ASTN2: variants seen among roughly 807,000 people sequenced by gnomAD.
ASTN2 encodes astrotactin-2.
ASTN2 carries 54 observed loss-of-function variants against 139.8 expected under a neutral mutation model. The ratio of observed to expected loss-of-function variants is 0.39; its 90% CI spans 0.31 to 0.48. ASTN2 has a LOEUF of 0.48. ASTN2 is among the 20% of genes least tolerant of loss of function. ASTN2 has a pLI of 0.95. For missense variants in ASTN2, 1,565 were observed against 1,725.1 expected (o/e 0.91, Z 1.64); for synonymous variants, 756 against 719.5 (o/e 1.05, Z -0.81).
intron 19 of ASTN2, among the ~76,000 whole-genome samples, chr9:116,550,221 C>T (rs779203073): frequency 6.6e-6 from 1 of 152,202 alleles, no homozygotes; most frequent in East Asian, 1.9e-4. Flanking sequence ...ATCCATATAA[C>T]GTCTCTGGGC....
chr9:116,817,395 G>A (rs1831362121), intron 12 of ASTN2, among the ~76,000 whole-genome samples: 2 of 152,184 alleles, frequency 1.3e-5, no homozygotes, highest in African/African-American at 4.8e-5. Flanking sequence ...GAGAAGGCTT[G>A]CTGAAAAAGT....
intron 18 of ASTN2, among the ~76,000 whole-genome samples, chr9:116,618,691 G>C (rs1047265641): frequency 2.6e-5 from 4 of 152,168 alleles, no homozygotes; most frequent in Non-Finnish European, 5.9e-5. Flanking sequence ...CACCTTTCAA[G>C]ATCAAAGTAG....
intron 4 of ASTN2, among the ~76,000 whole-genome samples, chr9:117,110,188 T>C (rs902065512): frequency 3.3e-5 from 5 of 152,202 alleles, no homozygotes; most frequent in African/African-American, 1.2e-4. Context: ...GAAATGATCA[T>C]TTTCCTAAAT....
At chr9:116,555,723 G>C (rs754850739) in intron 19 of ASTN2, among the ~76,000 whole-genome samples, 1 of 152,082 alleles carries the variant, frequency 6.6e-6, no homozygotes, top group Admixed American at 6.6e-5. Context: ...AATGGGGTCA[G>C]CTGAACTAAA....
At chr9:117,024,059 CCTTTTGCA>C (rs1298230279) in intron 6 of ASTN2, among the ~76,000 whole-genome samples, 4 of 152,100 alleles carry the variant, frequency 2.6e-5, no homozygotes, top group African/African-American at 9.7e-5. Flanking sequence ...AGGCCAATTT[CCTTTTGCA>C]CAAACCAGTC....
At chr9:116,494,126 G>A (rs1320266900) in intron 19 of ASTN2, among the ~76,000 whole-genome samples, 1 of 152,190 alleles carries the variant, frequency 6.6e-6, no homozygotes, top group East Asian at 1.9e-4. Flanking sequence ...GAAGCAGTGT[G>A]TAGAGATCCT....
intron 3 of ASTN2, among the ~76,000 whole-genome samples, chr9:117,211,196 G>GA (rs1832114217): frequency 6.6e-6 from 1 of 152,022 alleles, no homozygotes; most frequent in African/African-American, 2.4e-5. Context: ...GCAACAGAAA[G>GA]AAATGACAAA....
chr9:116,510,835 T>G (rs1250256004), intron 19 of ASTN2, among the ~76,000 whole-genome samples: 1 of 152,156 alleles, frequency 6.6e-6, no homozygotes, highest in Non-Finnish European at 1.5e-5. Flanking sequence ...ATGCTTGTGA[T>G]TTTTGCACAT....
intron 19 of ASTN2, among the ~76,000 whole-genome samples, chr9:116,580,676 A>G (rs938059337): frequency 6.6e-6 from 1 of 152,162 alleles, no homozygotes; most frequent in Non-Finnish European, 1.5e-5. Flanking sequence ...TGGGAGGTGC[A>G]CTTAATGGGT....
intron 1 of ASTN2, among the ~76,000 whole-genome samples, chr9:117,327,183 G>A (rs575702374): frequency 1.3e-5 from 2 of 152,264 alleles, no homozygotes; most frequent in South Asian, 2.1e-4. Flanking sequence ...AGCTCAGGTG[G>A]TAATTGCTCG....
intron 1 of ASTN2, among the ~76,000 whole-genome samples, chr9:117,342,857 G>A (rs191594200): frequency 1.2e-3 from 183 of 152,276 alleles, no homozygotes; most frequent in Non-Finnish European, 2.3e-3. Context: ...CTCTTCTGGG[G>A]AAGCCAAGGG....
rs1861090659 is a variant in ASTN2, at chr9:116,699,922, A to T, written c.2806+25849T>A. On this transcript the variant is annotated intron_variant, in intron 16 of 22. Coordinates refer to ENST00000313400, the MANE Select transcript of ASTN2 (RefSeq NM_001365068.1). This position sits in a 1 kb window ranked among gnomAD's most constrained non-coding sequence, Gnocchi z 4.2. ...AGAGCTTTAAAAGATGCACTGCCCA[A>T]ATAGGACACACGATGGTGTTAGCTG... 1 of 658,778 alleles carries T rather than the reference A, an allele frequency of 1.5e-6. No individual in the cohort carries two copies. The highest frequency in any genetic ancestry group is 1.8e-5 in the African/African-American group (1 of 54,720). 40.8% of individuals were successfully genotyped at this position (658,778 alleles called of 1,614,324 possible).
At chr9:117,173,639 C>A (rs779759017) in intron 3 of ASTN2, among the ~76,000 whole-genome samples, 1 of 151,590 alleles carries the variant, frequency 6.6e-6, no homozygotes, top group Non-Finnish European at 1.5e-5. Context: ...AAATAATAAA[C>A]AAAATAATAA....
At chr9:117,115,812 T>C (rs1232443605) in intron 4 of ASTN2, among the ~76,000 whole-genome samples, 1 of 151,944 alleles carries the variant, frequency 6.6e-6, no homozygotes, top group South Asian at 2.1e-4. Context: ...GATCACGAAG[T>C]CAGGAGATCG....
At chr9:116,948,783 G>GGGT (rs1835470053) in intron 10 of ASTN2, among the ~76,000 whole-genome samples, 6 of 49,392 alleles carry the variant, frequency 1.2e-4, no homozygotes, top group African/African-American at 3.4e-4. Flanking sequence ...AAATAATTTG[G>GGGT]TGTTTTTTTT....
At position 117,334,484 on chromosome 9, in the gene ASTN2, C is replaced by CTT. The variant is rs113282368; in HGVS notation, c.443-42973_443-42972dup. On this transcript the variant is annotated intron_variant, in intron 1 of 22. Coordinates refer to ENST00000313400, the MANE Select transcript of ASTN2 (RefSeq NM_001365068.1). Reference sequence around the variant, plus strand: ...TTACATGAGAAGTGGTATATCAGGGCTTTTTTTTTTTTTTTGACGGTGGAG... The same window carrying CTT: ...TTACATGAGAAGTGGTATATCAGGGCTTTTTTTTTTTTTTTTTGACGGTGGAG... Among the ~76,000 whole-genome samples the CTT allele has an allele frequency of 7.6e-3, 1,066 of 140,496 alleles. 12 individuals are homozygous for CTT. Among genetic ancestry groups the CTT allele is most frequent in the African/African-American group, 0.026 (1,007 of 38,028 alleles). The allele number at this position is 140,496 out of a possible 152,430, so 92.2% of individuals were successfully genotyped here.
chr9:116,988,107 A>T (rs13292436), intron 7 of ASTN2, among the ~76,000 whole-genome samples: 61,409 of 152,182 alleles, frequency 0.4, 15,020 homozygotes, highest in South Asian at 0.56. Flanking sequence ...GAAACTGTGG[A>T]TGAGGGGGAA....
At chr9:116,935,842 G>A (rs138186584) in intron 10 of ASTN2, among the ~76,000 whole-genome samples, 226 of 152,166 alleles carry the variant, frequency 1.5e-3, no homozygotes, top group African/African-American at 5.2e-3. Context: ...TTCAGGCACC[G>A]TTATCACACT....
intron 11 of ASTN2, among the ~76,000 whole-genome samples, chr9:116,840,741 G>A (rs1246718890): frequency 6.9e-6 from 1 of 145,908 alleles, no homozygotes; most frequent in Non-Finnish European, 1.5e-5. Flanking sequence ...TCCCGGACGG[G>A]GCGGCAGGGC....
Sources: allele counts gnomAD v4.1 joint callset (sites outside exome capture counted in the v4.1 genomes callset), GRCh38; gene constraint gnomAD v4.1.1; non-coding constraint Gnocchi (gnomAD v3.1); transcripts MANE v1.5; gene names NCBI Gene and HGNC (gene_info 2026-07-23, HGNC 2026-07-21).